Variants in SYT16 observed in about 807,000 individuals in gnomAD.
SYT16 encodes the protein synaptotagmin-16.
A neutral mutation model predicts 61.4 loss-of-function variants in SYT16; 42 were observed. The ratio of observed to expected loss-of-function variants is 0.68; its 90% CI spans 0.53 to 0.89. The LOEUF (loss-of-function observed/expected upper bound fraction) is 0.89. Ranked by LOEUF, SYT16 falls within the 40% of genes least tolerant of loss-of-function variation. SYT16 has a pLI of 0.00. For synonymous variants in SYT16, 314 were observed against 302.3 expected (o/e 1.04, Z -0.40); for missense variants, 804 against 807.3 (o/e 1.00, Z 0.05).
intron 3 of SYT16, among the ~76,000 whole-genome samples, chr14:62,031,924 A>G (rs1306909585): frequency 1.3e-5 from 2 of 152,156 alleles, no homozygotes; most frequent in Non-Finnish European, 2.9e-5. Context: ...GATGGACTTC[A>G]TCTGAACCCT....
intron 3 of SYT16, among the ~76,000 whole-genome samples, chr14:62,022,157 T>C (rs891553376): frequency 3.9e-5 from 6 of 152,136 alleles, no homozygotes; most frequent in Non-Finnish European, 7.4e-5. Flanking sequence ...CCCTTCTACA[T>C]TTCCATAATT....
At chr14:61,881,169 A>G (rs1029036530) in intron 1 of SYT16, among the ~76,000 whole-genome samples, 2 of 152,282 alleles carry the variant, frequency 1.3e-5, no homozygotes, top group South Asian at 4.1e-4. Context: ...CTTTCTTAAC[A>G]TAATCACTTT....
chr14:61,947,083 G>C (rs2050467955), intron 1 of SYT16, among the ~76,000 whole-genome samples: 1 of 152,112 alleles, frequency 6.6e-6, no homozygotes, highest in African/African-American at 2.4e-5. Flanking sequence ...GTTGGGAGGA[G>C]AGTACTACTG....
intron 3 of SYT16, among the ~76,000 whole-genome samples, chr14:62,038,607 T>A (rs1318768484): frequency 2.0e-5 from 3 of 152,140 alleles, no homozygotes; most frequent in African/African-American, 7.2e-5. Context: ...CAGGACTCAT[T>A]TGTTTTGTGT....
intron 3 of SYT16, among the ~76,000 whole-genome samples, chr14:62,043,407 C>CTTTTTT (rs1203186408): frequency 7.3e-5 from 9 of 122,526 alleles, no homozygotes; most frequent in East Asian, 2.3e-4. Context: ...ATTTTTCTTT[C>CTTTTTT]TTTTTTTTTT....
chr14:61,841,982 A>C lies in SYT16; in HGVS notation c.-325+29172A>C, dbSNP rs1046678155. On this transcript the variant is annotated intron_variant, in intron 1 of 7. Coordinates refer to ENST00000683842, the MANE Select transcript of SYT16 (RefSeq NM_001367656.1). ...TAAATAGTGCTGCAATAAACATATG[A>C]GTGCAGGTGTCTTCTGTTTTTATTT... 3.9e-5 allele frequency among the ~76,000 whole-genome samples: 6 copies of C among 152,124 alleles called. 1 individual carries two copies. The highest frequency in any genetic ancestry group is 7.4e-5 in the Non-Finnish European group (5 of 68,012).
At chr14:62,099,880 TGTCTGTC>T (rs2057375362) in intron 7 of SYT16, among the ~76,000 whole-genome samples, 1 of 84,958 alleles carries the variant, frequency 1.2e-5, no homozygotes, top group African/African-American at 4.3e-5. Flanking sequence ...CTTGTGTGTC[TGTCTGTC>T]TGTCTGTCTG....
chr14:61,967,342 G>T (rs1375432160), intron 1 of SYT16, among the ~76,000 whole-genome samples: 1 of 152,184 alleles, frequency 6.6e-6, no homozygotes, highest in Non-Finnish European at 1.5e-5. Flanking sequence ...GATGCCATTG[G>T]ATGGTGCATT....
chr14:62,069,548 CT>C, intron 3 of SYT16, 54 bp from the exon 4 acceptor site: 1 of 1,518,218 alleles, frequency 6.6e-7, no homozygotes, highest in East Asian at 2.3e-5. Flanking sequence ...GAGTCTATCT[CT>C]GTATTCGAGC....
chr14:61,931,925 A>G (rs2049789110), intron 1 of SYT16, among the ~76,000 whole-genome samples: 1 of 152,218 alleles, frequency 6.6e-6, no homozygotes. Flanking sequence ...ATGTATTAGA[A>G]AACTGCCCTG....
intron 1 of SYT16, among the ~76,000 whole-genome samples, chr14:61,892,575 G>C (rs554318598): frequency 6.6e-6 from 1 of 152,276 alleles, no homozygotes; most frequent in East Asian, 1.9e-4. Flanking sequence ...TGTATCCCCA[G>C]CTTGGCCTTC....
At chr14:61,824,444 C>T (rs2045709698) in intron 1 of SYT16, among the ~76,000 whole-genome samples, 2 of 152,134 alleles carry the variant, frequency 1.3e-5, no homozygotes, top group Non-Finnish European at 2.9e-5. Flanking sequence ...CCTCCACCTC[C>T]CGGGTTCACA....
chr14:62,066,169 A>C (rs2056052987), intron 3 of SYT16, among the ~76,000 whole-genome samples: 1 of 152,236 alleles, frequency 6.6e-6, no homozygotes, highest in Non-Finnish European at 1.5e-5. Flanking sequence ...TCCAAAAACA[A>C]GGCATAAGAG....
chr14:61,854,003 GAACATC>G (rs1438466730), intron 1 of SYT16, among the ~76,000 whole-genome samples: 2 of 152,080 alleles, frequency 1.3e-5, no homozygotes, highest in Non-Finnish European at 2.9e-5. Flanking sequence ...CGTAATCTAT[GAACATC>G]ATAGTTTACC....
chr14:61,812,661 C>G (rs2045303298), upstream of SYT16: 1 of 145,860 alleles, frequency 6.9e-6, no homozygotes, highest in African/African-American at 2.5e-5. Flanking sequence ...CGCGGCGCGG[C>G]GGGGGCGCGC....
chr14:61,863,814 AT>A (rs61449328), intron 1 of SYT16, among the ~76,000 whole-genome samples: 21 of 148,312 alleles, frequency 1.4e-4, no homozygotes, highest in African/African-American at 3.7e-4. Flanking sequence ...GTCTAGATTC[AT>A]TTTTTTTTTG....
intron 3 of SYT16, among the ~76,000 whole-genome samples, chr14:62,050,914 G>A (rs1180734391): frequency 6.6e-6 from 1 of 152,174 alleles, no homozygotes; most frequent in Non-Finnish European, 1.5e-5. Flanking sequence ...GGCTACTGGG[G>A]GTCAGGGACC....
chr14:61,913,598 A>G (rs2049010475), intron 1 of SYT16, among the ~76,000 whole-genome samples: 1 of 152,120 alleles, frequency 6.6e-6, no homozygotes, highest in Non-Finnish European at 1.5e-5. Context: ...GAAATGAAAG[A>G]AAATATACTC....
At chr14:61,853,425 T>G (rs1372929990) in intron 1 of SYT16, among the ~76,000 whole-genome samples, 1 of 152,212 alleles carries the variant, frequency 6.6e-6, no homozygotes, top group Non-Finnish European at 1.5e-5. Context: ...GTTGAAATCC[T>G]AACCCTCAAG....
Sources: allele counts gnomAD v4.1 joint callset (sites outside exome capture counted in the v4.1 genomes callset), GRCh38; gene constraint gnomAD v4.1.1; transcripts MANE v1.5; gene names NCBI Gene and HGNC (gene_info 2026-07-23, HGNC 2026-07-21).